Variants in SLC6A11 observed in about 807,000 individuals in gnomAD.
SLC6A11 encodes the protein sodium- and chloride-dependent GABA transporter 3.
A neutral mutation model predicts 74.8 loss-of-function variants in SLC6A11; 25 were observed. The observed-to-expected ratio is 0.33, with a 90% CI of 0.24 to 0.47. SLC6A11 has a LOEUF of 0.47. Among genes scored for constraint, SLC6A11 ranks in the 20% least tolerant of loss-of-function variants. The pLI is 1.00. For synonymous variants in SLC6A11, 330 were observed against 330.2 expected, an observed-to-expected ratio of 1.00 and a Z score of 0.01; for missense variants, 574 against 837.0, an observed-to-expected ratio of 0.69 and a Z score of 3.88.
chr3:10,920,414 T>C (rs1014143385), intron 8 of SLC6A11, among the ~76,000 whole-genome samples: 1 of 152,184 alleles, frequency 6.6e-6, no homozygotes, highest in African/African-American at 2.4e-5. Context: ...ATATTATCCT[T>C]GGCATTATGT....
At chr3:10,855,684 C>A (rs933049887) in intron 5 of SLC6A11, among the ~76,000 whole-genome samples, 3 of 145,526 alleles carry the variant, frequency 2.1e-5, no homozygotes, top group African/African-American at 7.3e-5. Flanking sequence ...GAGTGTGAGT[C>A]AGACTAGTAA....
Position 10,829,337 on chromosome 3 carries a change from C to T in SLC6A11, c.623+5945C>T, listed in dbSNP as rs75327920. 2.0e-5 allele frequency among the ~76,000 whole-genome samples: 3 copies of T among 152,314 alleles called. No homozygotes were observed. In the East Asian group the frequency reaches 5.8e-4, roughly 29 times the overall value. On this transcript the variant is annotated intron_variant, in intron 4 of 13. Transcript: ENST00000254488. Reference sequence around the variant, plus strand: ...CTGGAGGCACAGGGTCCCTTCCAGCCTCATCTCTACAGGTACAGAGTCATG... The same window carrying T: ...CTGGAGGCACAGGGTCCCTTCCAGCTTCATCTCTACAGGTACAGAGTCATG...
At chr3:10,844,383 G>C in intron 5 of SLC6A11, 37 bp downstream of exon 5, 1 of 1,613,622 alleles carries the variant, frequency 6.2e-7, no homozygotes, top group Non-Finnish European at 8.5e-7. Flanking sequence ...ACCGTGGCAG[G>C]GGAAGGCACG....
chr3:10,905,037 T>A (rs1027912901), intron 6 of SLC6A11, among the ~76,000 whole-genome samples: 3 of 152,208 alleles, frequency 2.0e-5, no homozygotes, highest in Non-Finnish European at 2.9e-5. Context: ...GGTTCATGAA[T>A]GTTCTGTTAG....
intron 4 of SLC6A11, among the ~76,000 whole-genome samples, chr3:10,834,538 C>T (rs1339474104): frequency 1.3e-5 from 2 of 151,966 alleles, no homozygotes; most frequent in African/African-American, 4.8e-5. Context: ...GAGTCAGGAC[C>T]CGTCAGGAGC....
chr3:10,860,615 G>T (rs1694691784), intron 5 of SLC6A11, among the ~76,000 whole-genome samples: 1 of 152,234 alleles, frequency 6.6e-6, no homozygotes, highest in Non-Finnish European at 1.5e-5. Flanking sequence ...TGTGTGCTGG[G>T]CTGGGCATGC....
intron 3 of SLC6A11, 49 bp from the exon 4 acceptor site, chr3:10,823,253 T>A: frequency 7.2e-7 from 1 of 1,391,250 alleles, no homozygotes; most frequent in Non-Finnish European, 1.0e-6. Context: ...AGGATTCAGC[T>A]TTCATGGAGA....
At chr3:10,827,175 G>A (rs1298123190) in intron 4 of SLC6A11, among the ~76,000 whole-genome samples, 1 of 152,210 alleles carries the variant, frequency 6.6e-6, no homozygotes, top group Non-Finnish European at 1.5e-5. Flanking sequence ...AGCCACATAA[G>A]TTTGAGAATG....
At chr3:10,840,184 G>A (rs986662217) in intron 4 of SLC6A11, among the ~76,000 whole-genome samples, 3 of 152,116 alleles carry the variant, frequency 2.0e-5, no homozygotes, top group Non-Finnish European at 4.4e-5. Flanking sequence ...TCCCCATGTG[G>A]CCGCCTCCTC....
At chr3:10,821,367 A>G (rs577088635) in intron 3 of SLC6A11, among the ~76,000 whole-genome samples, 28 of 152,360 alleles carry the variant, frequency 1.8e-4, no homozygotes, top group African/African-American at 6.7e-4. Flanking sequence ...ATGATGGCCA[A>G]GGGAAAAAGA....
intron 4 of SLC6A11, among the ~76,000 whole-genome samples, chr3:10,830,650 G>A (rs1694282846): frequency 1.3e-5 from 2 of 152,172 alleles, no homozygotes; most frequent in African/African-American, 4.8e-5. Flanking sequence ...AGGGAACTGA[G>A]AGAAGTGAGG....
At chr3:10,927,207 T>C (rs1367237858) in intron 9 of SLC6A11, among the ~76,000 whole-genome samples, 1 of 152,116 alleles carries the variant, frequency 6.6e-6, no homozygotes, top group African/African-American at 2.4e-5. Flanking sequence ...CTTCCCTTAT[T>C]GTTGCTGTTG....
chr3:10,844,387 A>G, intron 5 of SLC6A11, 41 bp downstream of exon 5: 1 of 1,613,244 alleles, frequency 6.2e-7, no homozygotes, highest in South Asian at 1.1e-5. Context: ...TGGCAGGGGA[A>G]GGCACGAGCT....
At chr3:10,863,024 T>C (rs1384118648) in intron 5 of SLC6A11, among the ~76,000 whole-genome samples, 1 of 152,208 alleles carries the variant, frequency 6.6e-6, no homozygotes, top group African/African-American at 2.4e-5. Flanking sequence ...TGCAGACATA[T>C]GGGGTTATGT....
At chr3:10,877,571 A>T (rs920038049) in intron 6 of SLC6A11, among the ~76,000 whole-genome samples, 3 of 152,188 alleles carry the variant, frequency 2.0e-5, no homozygotes, top group Non-Finnish European at 4.4e-5. Context: ...ATGATCAGCC[A>T]CAACCCTCTG....
chr3:10,859,498 A>C (rs1246315562), intron 5 of SLC6A11, among the ~76,000 whole-genome samples: 1 of 152,148 alleles, frequency 6.6e-6, no homozygotes, highest in Non-Finnish European at 1.5e-5. Context: ...GCAAGTAGAG[A>C]TATTTGGGTA....
chr3:10,935,871 G>A (rs1400487585), intron 13 of SLC6A11, among the ~76,000 whole-genome samples: 1 of 152,056 alleles, frequency 6.6e-6, no homozygotes, highest in Non-Finnish European at 1.5e-5. Flanking sequence ...TACTTTCATT[G>A]TCCTAATAAG....
At chr3:10,898,477 C>T (rs1228947598) in intron 6 of SLC6A11, among the ~76,000 whole-genome samples, 1 of 152,304 alleles carries the variant, frequency 6.6e-6, no homozygotes, top group Middle Eastern at 3.4e-3. Flanking sequence ...CACCAGATAC[C>T]CTAAATCATC....
At chr3:10,873,512 ATGCC>A (rs1694859868) in intron 5 of SLC6A11, among the ~76,000 whole-genome samples, 1 of 148,898 alleles carries the variant, frequency 6.7e-6, no homozygotes, top group African/African-American at 2.5e-5. Flanking sequence ...ATCCTATCCT[ATGCC>A]ATGCCATCCT....
Sources: gnomAD v4.1 joint callset for allele counts (sites outside exome capture counted in the v4.1 genomes callset) on GRCh38, gnomAD v4.1.1 for gene constraint, MANE v1.5 for transcripts, NCBI Gene and HGNC (gene_info 2026-07-23, HGNC 2026-07-21) for gene names.